The following SATL1 variants were observed in gnomAD, a reference collection of about 807,000 sequenced individuals.
The protein encoded by SATL1 is spermidine/spermine N1-acetyl transferase like 1.
In SATL1, 47 loss-of-function variants were observed where a neutral mutation model predicts 51.8. The ratio of observed to expected loss-of-function variants is 0.91; its 90% CI spans 0.72 to 1.16. The LOEUF (loss-of-function observed/expected upper bound fraction) is 1.16. Ranked by LOEUF, SATL1 falls within the 50% of genes most tolerant of loss-of-function variation. SATL1 has a pLI of 0.00. For missense variants in SATL1, 520 were observed against 526.4 expected (o/e 0.99, Z 0.12); for synonymous variants, 176 against 182.4 (o/e 0.97, Z 0.28).
chrX:85,215,062 T>A (rs1273566447), intron 2 of SATL1, among the ~76,000 whole-genome samples: 1 of 111,871 alleles, frequency 8.9e-6, no homozygotes, highest in Non-Finnish European at 1.9e-5. Context: ...AGGCACCAGT[T>A]GTGGGGACTC....
At position 85,118,087 on chromosome X, in the gene SATL1, CT is replaced by C. The variant is rs747093188; in HGVS notation, c.-312-8808del. Among the ~76,000 whole-genome samples, 177 of 46,163 alleles carry C rather than the reference CT, an allele frequency of 3.8e-3. 16 individuals carry two copies. The highest frequency in any genetic ancestry group is 6.6e-3 in the African/African-American group (113 of 17,018). The allele number at this position is 46,163 out of a possible 115,157, so 40.1% of individuals were successfully genotyped here. On this transcript the variant is annotated intron_variant, in intron 2 of 7. Coordinates refer to ENST00000644105, the MANE Select transcript of SATL1 (RefSeq NM_001367857.2). ...TTTTGCAAATAAAAAAAGAACTTAGCTTTTTTTTTTTTTTTTCCAGAGTGCA... is the reference window on the plus strand; with the variant it reads ...TTTTGCAAATAAAAAAAGAACTTAGCTTTTTTTTTTTTTTTCCAGAGTGCA...
chrX:85,116,000 G>A (rs917700358), intron 2 of SATL1: 5 of 111,214 alleles, frequency 4.5e-5, no homozygotes, highest in Non-Finnish European at 7.5e-5. Context: ...AGGCAGGAGA[G>A]TGAATAGGGA....
At chrX:85,135,736 C>A (rs1157025936) in intron 2 of SATL1, among the ~76,000 whole-genome samples, 1 of 107,942 alleles carries the variant, frequency 9.3e-6, no homozygotes, top group Admixed American at 9.9e-5. Flanking sequence ...CACCACCGTG[C>A]TCGAGTAATT....
chrX:85,136,938 C>T (rs1413338242), intron 2 of SATL1, among the ~76,000 whole-genome samples: 1 of 111,811 alleles, frequency 8.9e-6, no homozygotes, highest in African/African-American at 3.3e-5. Flanking sequence ...ACTCTCCCCT[C>T]TCCCCATCTC....
chrX:85,127,012 C>T (rs755710191), intron 2 of SATL1, among the ~76,000 whole-genome samples: 2 of 110,745 alleles, frequency 1.8e-5, no homozygotes, highest in South Asian at 7.7e-4. Flanking sequence ...TCCTTGAAGT[C>T]GGCCATCATA....
chrX:85,094,026 A>C (rs1168717549), intron 6 of SATL1, 102 bp downstream of exon 6: 12 of 432,829 alleles, frequency 2.8e-5, no homozygotes, highest in Non-Finnish European at 4.5e-5. Context: ...AATAAGTTAC[A>C]TTAACTAAAA....
intron 1 of SATL1, among the ~76,000 whole-genome samples, chrX:85,238,802 G>A (rs1164006307): frequency 9.0e-6 from 1 of 110,938 alleles, no homozygotes; most frequent in Non-Finnish European, 1.9e-5. Context: ...CACATTGTAT[G>A]CCTGTATTAA....
At chrX:85,114,128 T>A (rs1399058603) in intron 2 of SATL1, among the ~76,000 whole-genome samples, 1 of 112,181 alleles carries the variant, frequency 8.9e-6, no homozygotes. Flanking sequence ...ATTGCACTTA[T>A]AAAAATAACT....
intron 1 of SATL1, among the ~76,000 whole-genome samples, chrX:85,231,463 A>C (rs1387649546): frequency 8.9e-6 from 1 of 112,113 alleles, no homozygotes. Flanking sequence ...AGCTACCTTC[A>C]TTAGAACAAA....
At chrX:85,219,475 A>G (rs903355926) in intron 2 of SATL1, 14 of 111,885 alleles carry the variant, frequency 1.3e-4, no homozygotes, top group African/African-American at 4.5e-4. Flanking sequence ...AAAATGCAGC[A>G]TAACATTTGC....
At chrX:85,111,098 A>G (rs1045231154) in intron 2 of SATL1, among the ~76,000 whole-genome samples, 2 of 113,184 alleles carry the variant, frequency 1.8e-5, no homozygotes, top group African/African-American at 6.4e-5. Context: ...TTTACTTTAC[A>G]AAATCAAACA....
At chrX:85,139,831 C>A (rs1291313239) in intron 2 of SATL1, among the ~76,000 whole-genome samples, 1 of 111,657 alleles carries the variant, frequency 9.0e-6, no homozygotes, top group Non-Finnish European at 1.9e-5. Context: ...ATGAACACCC[C>A]AACCTGCCTT....
intron 2 of SATL1, among the ~76,000 whole-genome samples, chrX:85,119,335 A>G (rs750161432): frequency 1.8e-5 from 2 of 111,744 alleles, no homozygotes; most frequent in Non-Finnish European, 3.8e-5. Flanking sequence ...AGTATTGCGG[A>G]AAAAGTAGAC....
chrX:85,109,837 C>G (rs1421914403), intron 2 of SATL1, among the ~76,000 whole-genome samples: 1 of 110,651 alleles, frequency 9.0e-6, no homozygotes, highest in Non-Finnish European at 1.9e-5. Flanking sequence ...AATGAAACCT[C>G]ATGTCTACTA....
intron 4 of SATL1, among the ~76,000 whole-genome samples, chrX:85,099,039 C>A (rs1337372098): frequency 9.0e-6 from 1 of 111,030 alleles, no homozygotes; most frequent in African/African-American, 3.3e-5. Context: ...GACAGCTAGA[C>A]TGACAAAGAG....
Position 85,132,999 on chromosome X carries a change from A to T in SATL1, c.-312-23719T>A, listed in dbSNP as rs371666778. ...ACCAGCAGAGGCTGCAGAACAGCAAATATTGCTGCCTGATCCTTCCTCTGG... is the reference window on the plus strand; with the variant it reads ...ACCAGCAGAGGCTGCAGAACAGCAATTATTGCTGCCTGATCCTTCCTCTGG... On this transcript the variant is annotated intron_variant, in intron 2 of 7. Coordinates refer to ENST00000644105, the MANE Select transcript of SATL1 (RefSeq NM_001367857.2). Among the ~76,000 whole-genome samples the T allele has an allele frequency of 1.6e-3, 179 of 111,609 alleles. 1 individual carries two copies. The highest frequency in any genetic ancestry group is 5.3e-3 in the African/African-American group (162 of 30,725).
At chrX:85,222,767 C>G (rs974775483) in intron 2 of SATL1, among the ~76,000 whole-genome samples, 5 of 111,701 alleles carry the variant, frequency 4.5e-5, no homozygotes, top group African/African-American at 1.6e-4. Flanking sequence ...ACATCCTTTG[C>G]TTCTTACAAG....
intron 4 of SATL1, among the ~76,000 whole-genome samples, chrX:85,101,813 A>G (rs1486816616): frequency 9.0e-6 from 1 of 111,334 alleles, no homozygotes; most frequent in African/African-American, 3.3e-5. Flanking sequence ...CACATTATAT[A>G]TATACACAAT....
intron 4 of SATL1, 96 bp from the exon 5 acceptor site, chrX:85,095,092 G>C (rs1924665520): frequency 2.0e-6 from 1 of 503,439 alleles, no homozygotes; most frequent in Admixed American, 2.9e-5. Flanking sequence ...TCTCCACCTG[G>C]ATAGCAATTG....
Sources: gnomAD v4.1 joint callset for allele counts (sites outside exome capture counted in the v4.1 genomes callset) on GRCh38, gnomAD v4.1.1 for gene constraint, MANE v1.5 for transcripts, NCBI Gene and HGNC (gene_info 2026-07-23, HGNC 2026-07-21) for gene names.